Variants in SLC22A14 observed in about 807,000 individuals in gnomAD.
The protein encoded by SLC22A14 is solute carrier family 22 member 14.
SLC22A14 carries 50 observed loss-of-function variants against 53.9 expected under a neutral mutation model. The observed-to-expected ratio is 0.93, with a 90% CI of 0.74 to 1.17. The LOEUF (loss-of-function observed/expected upper bound fraction) is 1.17, where lower values mean the gene tolerates loss of function less well. Ranked by LOEUF, SLC22A14 falls within the 50% of genes most tolerant of loss-of-function variation. The probability of loss-of-function intolerance (pLI) is 0.00; values close to 1 mark genes in which losing one functional copy is unlikely to be tolerated. For synonymous variants in SLC22A14, 312 were observed against 303.0 expected (o/e 1.03, Z -0.31); for missense variants, 671 against 734.7 (o/e 0.91, Z 1.00).
At chr3:38,309,495 GAGGAGTGACT>G in intron 5 of SLC22A14, among the ~76,000 whole-genome samples, 1 of 152,204 alleles carries the variant, frequency 6.6e-6, no homozygotes, top group Middle Eastern at 3.2e-3. Context: ...GCAGAGGGTT[GAGGAGTGACT>G]AGGAGCAGAA....
intron 5 of SLC22A14, among the ~76,000 whole-genome samples, chr3:38,310,232 G>T (rs1704430663): frequency 8.5e-5 from 13 of 152,086 alleles, no homozygotes; most frequent in Admixed American, 8.5e-4. Flanking sequence ...TTTAAAGTTA[G>T]CCAGGCATGG....
At chr3:38,283,077 A>G (rs1436929680) in intron 1 of SLC22A14, among the ~76,000 whole-genome samples, 1 of 152,110 alleles carries the variant, frequency 6.6e-6, no homozygotes, top group Non-Finnish European at 1.5e-5. Flanking sequence ...TCCAGCTTCT[A>G]GAGCCTCCTG....
At chr3:38,315,299 G>T (rs184811331) in intron 8 of SLC22A14, among the ~76,000 whole-genome samples, 1 of 152,266 alleles carries the variant, frequency 6.6e-6, no homozygotes, top group Non-Finnish European at 1.5e-5. Flanking sequence ...GGCAGAGAAG[G>T]GGGTGTTGGG....
chr3:38,313,790 C>G lies in SLC22A14; in HGVS notation c.1227C>G (p.Val409=), dbSNP rs916148562. ...GAATGAGAGAGCTGGGCGTGAGCGT[C>G]CACTTCAGACACGTGGTCCCCAGCA... is the stretch of plus-strand genomic sequence containing the variant. The part of the protein sequence containing the change: ...SLRMRELGVS[V]HFRHVVPSIM... Residue 409 remains valine (V), a synonymous_variant, in exon 8 of 11, where the codon GTC becomes GTG. Transcript: ENST00000448498. The G allele has an allele frequency of 6.2e-7, 1 of 1,608,414 alleles. No homozygotes were observed.
chr3:38,296,868 G>A (rs867663204), intron 1 of SLC22A14, among the ~76,000 whole-genome samples: 3 of 152,204 alleles, frequency 2.0e-5, no homozygotes, highest in Non-Finnish European at 4.4e-5. Context: ...GCTGGATCAG[G>A]AGCACATGAG....
chr3:38,307,472 C>T lies in SLC22A14; in HGVS notation c.621-94C>T. The stretch of plus-strand genomic sequence containing the variant: ...GTGAGGGTAGGGGTTCTCCAGGGAC[C>T]CATGGATGGCTCAGGGCCTGGCCCA... On this transcript the variant is annotated intron_variant, in intron 3 of 10. Coordinates refer to ENST00000448498, the MANE Select transcript of SLC22A14 (RefSeq NM_001320033.2). This position sits in a 1 kb window ranked among gnomAD's most constrained non-coding sequence, Gnocchi z 4.4. The T allele has an allele frequency of 3.2e-6, 5 of 1,565,532 alleles. No individual in the cohort carries two copies. Among genetic ancestry groups the T allele is most frequent in the Non-Finnish European group, 4.4e-6 (5 of 1,139,516 alleles).
At chr3:38,286,006 G>A (rs376435659) in intron 1 of SLC22A14, among the ~76,000 whole-genome samples, 1 of 152,310 alleles carries the variant, frequency 6.6e-6, no homozygotes, top group East Asian at 1.9e-4. Context: ...GCCGAGGTGG[G>A]CAGATCACCT....
At chr3:38,279,158 A>C (rs2125865437), upstream of SLC22A14, among the ~76,000 whole-genome samples, 4 of 152,342 alleles carry the variant, frequency 2.6e-5, no homozygotes, top group Middle Eastern at 3.4e-3. Context: ...AAACACATGG[A>C]TATTCCTCAC....
intron 1 of SLC22A14, among the ~76,000 whole-genome samples, chr3:38,291,064 G>A (rs1234117338): frequency 6.6e-6 from 1 of 152,324 alleles, no homozygotes; most frequent in East Asian, 1.9e-4. Context: ...CATACTTAGA[G>A]TGTGTATATA....
intron 1 of SLC22A14, among the ~76,000 whole-genome samples, chr3:38,304,547 C>A (rs181292075): frequency 6.6e-6 from 1 of 152,202 alleles, no homozygotes; most frequent in African/African-American, 2.4e-5. Context: ...GCCACCAAGC[C>A]TGGCTAAATT....
At chr3:38,295,782 G>T (rs912900271) in intron 1 of SLC22A14, among the ~76,000 whole-genome samples, 5 of 139,888 alleles carry the variant, frequency 3.6e-5, no homozygotes, top group Non-Finnish European at 7.8e-5. Context: ...GTCTGTCTCT[G>T]TCTGTCTCTC....
intron 5 of SLC22A14, 62 bp from the exon 6 acceptor site, chr3:38,312,937 G>A: frequency 1.9e-6 from 3 of 1,555,700 alleles, no homozygotes; most frequent in African/African-American, 1.4e-5. Context: ...GCCACGAGAG[G>A]GCCAGCAGGG....
chr3:38,307,877 C>A lies in SLC22A14; in HGVS notation c.775+157C>A. The A allele has an allele frequency of 1.3e-6, 1 of 759,656 alleles. No individual in the cohort carries two copies. The highest frequency in any genetic ancestry group is 2.1e-6 in the Non-Finnish European group (1 of 466,200). 47.1% of individuals were successfully genotyped at this position (759,656 alleles called of 1,614,324 possible). ...AGAGGGCATGGCGGGGGTGTGGCAG[C>A]GTGGGCATCTGCTGGGATCCCACAG... On this transcript the variant is annotated intron_variant, in intron 4 of 10. Transcript: ENST00000448498. The surrounding 1 kb of genome is among the most constrained non-coding windows in gnomAD (Gnocchi z 4.4).
intron 1 of SLC22A14, among the ~76,000 whole-genome samples, chr3:38,294,911 A>C (rs1324190432): frequency 6.6e-6 from 1 of 152,202 alleles, no homozygotes; most frequent in African/African-American, 2.4e-5. Context: ...GTTCTTATGC[A>C]GATTCATTTC....
chr3:38,317,080 A>G (rs774271731), intron 10 of SLC22A14, among the ~76,000 whole-genome samples: 5 of 152,220 alleles, frequency 3.3e-5, no homozygotes, highest in Non-Finnish European at 7.3e-5. Flanking sequence ...AAGACTTGTC[A>G]TGATTGGCAG....
chr3:38,311,993 C>G (rs1435053539), intron 5 of SLC22A14, among the ~76,000 whole-genome samples: 1 of 152,102 alleles, frequency 6.6e-6, no homozygotes, highest in Non-Finnish European at 1.5e-5. Flanking sequence ...AGTTCCACAG[C>G]CTTAGAGTGG....
chr3:38,313,194 G>A, intron 6 of SLC22A14, 75 bp downstream of exon 6: 1 of 1,579,554 alleles, frequency 6.3e-7, no homozygotes. Context: ...CATCCTTTCA[G>A]GTGGGACATT....
chr3:38,286,722 T>TG (rs1703801237), intron 1 of SLC22A14, among the ~76,000 whole-genome samples: 4 of 128,586 alleles, frequency 3.1e-5, no homozygotes, highest in Admixed American at 2.2e-4. Flanking sequence ...CTGATTTGTG[T>TG]GGGTTTTTTT....
At chr3:38,302,356 A>G (rs934742773) in intron 1 of SLC22A14, among the ~76,000 whole-genome samples, 3 of 149,272 alleles carry the variant, frequency 2.0e-5, no homozygotes, top group African/African-American at 7.3e-5. Context: ...ATTTTCTAAT[A>G]GTAAAACCAT....
Sources: allele counts gnomAD v4.1 joint callset (sites outside exome capture counted in the v4.1 genomes callset), GRCh38; gene constraint gnomAD v4.1.1; non-coding constraint Gnocchi (gnomAD v3.1); transcripts MANE v1.5; gene names NCBI Gene and HGNC (gene_info 2026-07-23, HGNC 2026-07-21).